The following CENPV variants were observed in gnomAD, a reference collection of about 807,000 sequenced individuals.
CENPV encodes centromere protein V.
Under a neutral mutation model 26.4 loss-of-function variants are expected in CENPV, and 15 were observed. The ratio of observed to expected loss-of-function variants is 0.57; its 90% CI spans 0.38 to 0.88. CENPV has a LOEUF of 0.88. Among genes scored for constraint, CENPV ranks in the 40% least tolerant of loss-of-function variants. The pLI is 0.00. For missense variants in CENPV, 336 were observed against 376.5 expected (o/e 0.89, Z 0.89); for synonymous variants, 172 against 165.5 (o/e 1.04, Z -0.30).
chr17:16,348,310 C>T (rs1027462856), intron 3 of CENPV: 1 of 332,704 alleles, frequency 3.0e-6, no homozygotes, highest in Non-Finnish European at 5.0e-6. Flanking sequence ...GCATGCACTA[C>T]AACGCCCAGC....
At chr17:16,348,747 C>T (rs758815803) in intron 2 of CENPV, 62 bp from the exon 3 acceptor site, 26 of 1,603,898 alleles carry the variant, frequency 1.6e-5, no homozygotes, top group Admixed American at 3.4e-5. Context: ...TATGCCTGAG[C>T]GGCCCAGCCA....
intron 2 of CENPV, chr17:16,349,329 G>C (rs532844050): frequency 1.0e-6 from 1 of 985,688 alleles, no homozygotes; most frequent in Admixed American, 6.1e-5. Context: ...ATATAATTCC[G>C]GTACCTAGGG....
rs767263125 is a variant in CENPV at position 16,342,939 on chromosome 17, T to C, written c.697A>G (p.Ile233Val). The stretch of plus-strand genomic sequence containing the variant: ...CCCTCATCCAGGCAGTGGGGGGCAA[T>C]TCCTACGAGAAAGTGGCACAGACAA... Reference protein sequence around the residue: ...TPRSNPGGFGIAPHCLDEGTV... With the variant: ...TPRSNPGGFGVAPHCLDEGTV... Residue 233 changes from isoleucine (I) to valine (V), a missense_variant and splice_region_variant, in exon 5 of 5, where the codon ATT becomes GTT. This residue lies in a region of CENPV where 155 missense variants were observed against 227.8 expected (regional missense o/e 0.68). Coordinates refer to ENST00000299736, the MANE Select transcript of CENPV (RefSeq NM_181716.3). 1 of 1,614,080 alleles carries C rather than the reference T, an allele frequency of 6.2e-7. No individual in the cohort carries two copies. The highest frequency in any genetic ancestry group is 8.5e-7 in the Non-Finnish European group (1 of 1,180,016).
chr17:16,349,837 T>C (rs1354897281), intron 2 of CENPV, 94 bp downstream of exon 2: 7 of 1,522,526 alleles, frequency 4.6e-6, no homozygotes, highest in Non-Finnish European at 6.2e-6. Flanking sequence ...AGGCCAATGT[T>C]TCCTCTGTAC....
chr17:16,349,422 T>C (rs903144349), intron 2 of CENPV: 1 of 986,138 alleles, frequency 1.0e-6, no homozygotes. Flanking sequence ...CCCTGCTCCA[T>C]CATAACGCCG....
chr17:16,343,185 A>C (rs2093189835), intron 4 of CENPV, among the ~76,000 whole-genome samples: 2 of 152,352 alleles, frequency 1.3e-5, no homozygotes, highest in African/African-American at 4.8e-5. Context: ...CCAGATGGGA[A>C]TCACACTCCC....
In CENPV at chr17:16,344,552, C is replaced by T. The variant is rs150588049; in HGVS notation, c.694+45G>A. On this transcript the variant is annotated intron_variant, in intron 4 of 4. Transcript: ENST00000299736. ...AGACTTTAAATGAGAGCACCATGGG[C>T]CTCTCTGTGTCCCCCTGAGCTTGCA... The T allele has an allele frequency of 1.4e-3, 1,586 of 1,126,398 alleles. 20 individuals carry two copies. In the African/African-American group the frequency reaches 0.023, roughly 16 times the overall value. The allele number at this position is 1,126,398 out of a possible 1,614,324, so 69.8% of individuals were successfully genotyped here.
intron 1 of CENPV, among the ~76,000 whole-genome samples, 196 bp from the exon 2 acceptor site, chr17:16,350,225 C>T (rs2093223374): frequency 6.6e-6 from 1 of 152,156 alleles, no homozygotes; most frequent in Non-Finnish European, 1.5e-5. Flanking sequence ...TCCATGAGCT[C>T]TCTTTTCACC....
At chr17:16,346,140 A>G (rs551615115) in intron 3 of CENPV, among the ~76,000 whole-genome samples, 6 of 152,360 alleles carry the variant, frequency 3.9e-5, no homozygotes, top group South Asian at 4.1e-4. Flanking sequence ...GTGCTCACAT[A>G]TATCAGTCAC....
intron 3 of CENPV, among the ~76,000 whole-genome samples, chr17:16,345,491 G>A (rs2093202724): frequency 6.6e-6 from 1 of 151,980 alleles, no homozygotes; most frequent in Admixed American, 6.6e-5. Flanking sequence ...CATCAGTTGA[G>A]CCTGGGGAAG....
intron 3 of CENPV, among the ~76,000 whole-genome samples, chr17:16,347,099 C>A (rs2093210320): frequency 1.3e-5 from 2 of 152,078 alleles, no homozygotes; most frequent in African/African-American, 4.8e-5. Context: ...GATCTGCCTG[C>A]CTTGGCCTTC....
chr17:16,353,154 T>TCGGCGGCGG lies in CENPV; in HGVS notation c.274_282dup (p.Pro92_Pro94dup). On this transcript the variant is annotated inframe_insertion, in exon 1 of 5. Coordinates refer to ENST00000299736, the MANE Select transcript of CENPV (RefSeq NM_181716.3). Reference sequence around the variant, plus strand: ...GCCGAGGACGTCGGGGTCGCGGGAGTCGGCGGCGGCGGCGGCGGTGGCGGG... The same window carrying TCGGCGGCGG: ...GCCGAGGACGTCGGGGTCGCGGGAGTCGGCGGCGGCGGCGGCGGCGGCGGCGGTGGCGGG... 1 of 1,466,190 alleles carries TCGGCGGCGG rather than the reference T, an allele frequency of 6.8e-7. No individual in the cohort carries two copies. The highest frequency in any genetic ancestry group is 9.0e-7 in the Non-Finnish European group (1 of 1,112,394). 90.8% of individuals were successfully genotyped at this position (1,466,190 alleles called of 1,614,324 possible).
chr17:16,353,287 G>A lies in CENPV; in HGVS notation c.150C>T (p.Ser50=). Residue 50 remains serine (S), a synonymous_variant, in exon 1 of 5, where the codon AGC becomes AGT. Coordinates refer to ENST00000299736, the MANE Select transcript of CENPV (RefSeq NM_181716.3). ...CCGACGGCGGCTTCTCCACCGCCTG[G>A]CTCTTGCTCCCGGCCTGGCTAGCGG... ...RRSASQAGSK[S]QAVEKPPSEK... 7.0e-7 allele frequency: 1 copy of A among 1,420,802 alleles called. No homozygotes were observed. 88.0% of individuals were successfully genotyped at this position (1,420,802 alleles called of 1,614,324 possible).
In CENPV at chr17:16,348,700, A is replaced by G; in HGVS notation, c.510-15T>C. The G allele has an allele frequency of 1.9e-6, 3 of 1,613,630 alleles. No homozygotes were observed. The highest frequency in any genetic ancestry group is 1.7e-6 in the Non-Finnish European group (2 of 1,179,674). On this transcript the variant is annotated splice_polypyrimidine_tract_variant and intron_variant, in intron 2 of 4. Coordinates refer to ENST00000299736, the MANE Select transcript of CENPV (RefSeq NM_181716.3). ...AAATGCTGCAACTACAGAAAGACAGAGCAAATTCCAGATTGTGAGCAGCCA... is the reference window on the plus strand; with the variant it reads ...AAATGCTGCAACTACAGAAAGACAGGGCAAATTCCAGATTGTGAGCAGCCA...
intron 4 of CENPV, among the ~76,000 whole-genome samples, chr17:16,343,613 A>T (rs1248826151): frequency 1.3e-5 from 2 of 152,184 alleles, no homozygotes; most frequent in African/African-American, 4.8e-5. Context: ...TCTAAGAATT[A>T]AATGTCTTCC....
intron 4 of CENPV, among the ~76,000 whole-genome samples, chr17:16,343,767 C>T (rs2093192716): frequency 6.6e-6 from 1 of 151,730 alleles, no homozygotes; most frequent in African/African-American, 2.4e-5. Context: ...GCCCTGCCTC[C>T]CCCACCTCCC....
intron 1 of CENPV, 99 bp downstream of exon 1, chr17:16,352,928 G>A: frequency 8.0e-6 from 11 of 1,383,484 alleles, no homozygotes; most frequent in Non-Finnish European, 1.0e-5. Context: ...GCTCAGAGCT[G>A]AAAGGCGCCC....
In CENPV at chr17:16,342,736, G is replaced by C; in HGVS notation, c.*81C>G. On this transcript the variant is annotated 3_prime_UTR_variant, in exon 5 of 5. Coordinates refer to ENST00000299736, the MANE Select transcript of CENPV (RefSeq NM_181716.3). ...AGCAGCCCAGGTCAGCCACATTCAG[G>C]AGCACCACCGAGGCACGGCAGGGAG... The C allele has an allele frequency of 6.4e-7, 1 of 1,564,256 alleles. No individual in the cohort carries two copies. The highest frequency in any genetic ancestry group is 8.8e-7 in the Non-Finnish European group (1 of 1,139,242).
chr17:16,345,848 A>G (rs2093204330), intron 3 of CENPV, among the ~76,000 whole-genome samples: 1 of 152,210 alleles, frequency 6.6e-6, no homozygotes. Context: ...AGAACGGCTC[A>G]AGGTCTTAAG....
Sources: gnomAD v4.1 joint callset for allele counts (sites outside exome capture counted in the v4.1 genomes callset) on GRCh38, gnomAD v4.1.1 for gene constraint, gnomAD v4.1.1 regional missense constraint, MANE v1.5 for transcripts, NCBI Gene and HGNC (gene_info 2026-07-23, HGNC 2026-07-21) for gene names.